Variants in KIAA1217 observed in about 807,000 individuals in gnomAD.
The protein encoded by KIAA1217 is KIAA1217.
In KIAA1217, 88 loss-of-function variants were observed where a neutral mutation model predicts 163.9. That is an observed-to-expected ratio of 0.54 (90% CI 0.45 to 0.64). The LOEUF (loss-of-function observed/expected upper bound fraction) is 0.64. Among genes scored for constraint, KIAA1217 ranks in the 30% least tolerant of loss-of-function variants. The pLI is 0.00. For missense variants in KIAA1217, 2,372 were observed against 2,475.0 expected, an observed-to-expected ratio of 0.96 and a Z score of 0.88; for synonymous variants, 903 against 923.1, an observed-to-expected ratio of 0.98 and a Z score of 0.39.
intron 1 of KIAA1217, among the ~76,000 whole-genome samples, chr10:23,805,657 A>G (rs560772339): frequency 1.3e-5 from 2 of 152,136 alleles, no homozygotes; most frequent in Non-Finnish European, 2.9e-5. Context: ...AAACCTTAAC[A>G]TGTACCACTG....
rs369020913 is a variant in KIAA1217 at position 23,869,508 on chromosome 10, G to A, written c.-320-137717G>A. 3.9e-5 allele frequency among the ~76,000 whole-genome samples: 6 copies of A among 152,082 alleles called. No homozygotes were observed. The East Asian group carries it at 5.8e-4, about 15-fold the overall frequency. On this transcript the variant is annotated intron_variant, in intron 1 of 18. Coordinates refer to the KIAA1217 transcript ENST00000376462. Reference sequence around the variant, plus strand: ...ACAAGTGGAAAGATCAGACCAGATGGGACTTCTAAACTGCATTATTTATAC... The same window carrying A: ...ACAAGTGGAAAGATCAGACCAGATGAGACTTCTAAACTGCATTATTTATAC...
chr10:24,538,507 A>G (rs1030443346), intron 17 of KIAA1217, among the ~76,000 whole-genome samples: 11 of 142,598 alleles, frequency 7.7e-5, no homozygotes, highest in Non-Finnish European at 1.4e-4. Flanking sequence ...GTGAGATGAA[A>G]GAAAGAGAGA....
intron 1 of KIAA1217, among the ~76,000 whole-genome samples, chr10:23,753,369 G>A (rs1833748548): frequency 6.6e-6 from 1 of 152,192 alleles, no homozygotes; most frequent in Non-Finnish European, 1.5e-5. Context: ...TAATCTGAGA[G>A]CTTTGCACTG....
In KIAA1217 at chr10:23,726,979, C is replaced by CTTTTTTTTTTTTTTT. The variant is rs1012125050; in HGVS notation, c.-321+31757_-321+31771dup. ...ATTTCCATGCCATTTGTATAGGCCT[C>CTTTTTTTTTTTTTTT]TTTTTTTTTTTTTTTTTTTTTTTTT... On this transcript the variant is annotated intron_variant, in intron 1 of 18. Transcript: ENST00000376462. Among the ~76,000 whole-genome samples, 36 of 93,416 alleles carry CTTTTTTTTTTTTTTT rather than the reference C, an allele frequency of 3.9e-4. 4 individuals are homozygous for CTTTTTTTTTTTTTTT. Among genetic ancestry groups the CTTTTTTTTTTTTTTT allele is most frequent in the African/African-American group, 1.6e-3 (34 of 20,686 alleles). The allele number at this position is 93,416 out of a possible 152,430, so 61.3% of individuals were successfully genotyped here.
chr10:23,912,228 G>T (rs1842463431), intron 1 of KIAA1217, among the ~76,000 whole-genome samples: 1 of 152,136 alleles, frequency 6.6e-6, no homozygotes, highest in Non-Finnish European at 1.5e-5. Context: ...TAGAGCTGTT[G>T]TCTACTCAGA....
At chr10:24,296,208 ATCT>A (rs548738126) in intron 2 of KIAA1217, among the ~76,000 whole-genome samples, 291 of 152,124 alleles carry the variant, frequency 1.9e-3, no homozygotes, top group Middle Eastern at 0.014. Flanking sequence ...GGCTCAAGCG[ATCT>A]TCTCCCCTCA....
intron 1 of KIAA1217, among the ~76,000 whole-genome samples, chr10:23,698,654 G>A (rs939707629): frequency 6.6e-6 from 1 of 152,234 alleles, no homozygotes; most frequent in African/African-American, 2.4e-5. Flanking sequence ...AGCCAAAATA[G>A]TGAAGGGTCT....
chr10:24,392,001 A>G (rs2055052309), intron 3 of KIAA1217, among the ~76,000 whole-genome samples: 1 of 152,232 alleles, frequency 6.6e-6, no homozygotes, highest in African/African-American at 2.4e-5. Context: ...TCTATGATTT[A>G]TACCTTTCTA....
At chr10:23,733,373 G>A (rs545606202) in intron 1 of KIAA1217, among the ~76,000 whole-genome samples, 7 of 152,142 alleles carry the variant, frequency 4.6e-5, no homozygotes, top group South Asian at 4.2e-4. Context: ...TTGATAAATC[G>A]CTTTTCAGTA....
intron 1 of KIAA1217, among the ~76,000 whole-genome samples, chr10:23,827,720 G>C (rs1183293877): frequency 1.3e-5 from 2 of 152,164 alleles, no homozygotes; most frequent in Non-Finnish European, 2.9e-5. Flanking sequence ...AGTCTTTGAG[G>C]GTGAACTTCA....
intron 2 of KIAA1217, among the ~76,000 whole-genome samples, chr10:24,063,060 T>A (rs945118848): frequency 6.6e-6 from 1 of 152,092 alleles, no homozygotes; most frequent in African/African-American, 2.4e-5. Context: ...GATGAGTAGG[T>A]TGCAAAAATT....
At chr10:24,333,227 A>G (rs971146295) in intron 2 of KIAA1217, among the ~76,000 whole-genome samples, 11 of 151,990 alleles carry the variant, frequency 7.2e-5, no homozygotes, top group Admixed American at 4.6e-4. Flanking sequence ...GTCTCGCCAT[A>G]TTGGACAGGC....
intron 16 of KIAA1217, among the ~76,000 whole-genome samples, chr10:24,534,945 C>G (rs1308653971): frequency 6.6e-6 from 1 of 151,264 alleles, no homozygotes; most frequent in Non-Finnish European, 1.5e-5. Context: ...TAACCAAACC[C>G]TGTTAGCCCT....
At chr10:24,269,556 A>G (rs1052807680) in intron 2 of KIAA1217, among the ~76,000 whole-genome samples, 1 of 152,148 alleles carries the variant, frequency 6.6e-6, no homozygotes, top group Admixed American at 6.5e-5. Flanking sequence ...AACATTCATC[A>G]AAAAACAGAG....
At chr10:23,936,723 T>G (rs1304353083) in intron 1 of KIAA1217, among the ~76,000 whole-genome samples, 1 of 152,188 alleles carries the variant, frequency 6.6e-6, no homozygotes, top group African/African-American at 2.4e-5. Context: ...CACCTGGATT[T>G]CAGACTTTAG....
At chr10:24,061,176 T>C (rs1293347535) in intron 2 of KIAA1217, among the ~76,000 whole-genome samples, 1 of 152,214 alleles carries the variant, frequency 6.6e-6, no homozygotes, top group African/African-American at 2.4e-5. Flanking sequence ...GTAGGTATTT[T>C]CTTTGTGGTT....
intron 1 of KIAA1217, among the ~76,000 whole-genome samples, chr10:23,927,565 A>G (rs1460835331): frequency 1.3e-5 from 2 of 152,196 alleles, no homozygotes; most frequent in East Asian, 1.9e-4. Flanking sequence ...TATGTGATTG[A>G]AAGTGATTAT....
At chr10:23,997,718 G>A (rs1846549509) in intron 1 of KIAA1217, among the ~76,000 whole-genome samples, 1 of 152,128 alleles carries the variant, frequency 6.6e-6, no homozygotes, top group South Asian at 2.1e-4. Flanking sequence ...GCATTTTGGT[G>A]GCCTTCTATC....
rs972405623 is a variant in KIAA1217, at chr10:24,212,093, G to GA, written c.70+2839dup. On this transcript the variant is annotated intron_variant, in intron 1 of 20. Transcript: ENST00000376454. ...AAGAGAAGGAAGGAAAAAGAAAAAA[G>GA]AAAAAAAAAGAAGAGAGAGGAGGGG... Among the ~76,000 whole-genome samples the GA allele has an allele frequency of 4.7e-4, 67 of 142,016 alleles. 1 individual carries two copies. Among genetic ancestry groups the GA allele is most frequent in the Admixed American group, 1.2e-3 (17 of 14,226 alleles). The allele number at this position is 142,016 out of a possible 152,430, so 93.2% of individuals were successfully genotyped here. A position where few individuals can be genotyped will look rare whatever the true frequency, so the allele number is the denominator to read the frequency against.
Sources: allele counts gnomAD v4.1 joint callset (sites outside exome capture counted in the v4.1 genomes callset), GRCh38; gene constraint gnomAD v4.1.1; transcripts MANE v1.5; gene names NCBI Gene and HGNC (gene_info 2026-07-23, HGNC 2026-07-21).